Variants in SEMA3C observed in about 807,000 individuals in gnomAD.
The protein encoded by SEMA3C is semaphorin-3C.
In SEMA3C, 47 loss-of-function variants were observed where a neutral mutation model predicts 89.4. The observed-to-expected ratio is 0.53, with a 90% CI of 0.42 to 0.67. The LOEUF (loss-of-function observed/expected upper bound fraction) is 0.67, where lower values mean the gene tolerates loss of function less well. SEMA3C is among the 30% of genes least tolerant of loss of function. The probability of loss-of-function intolerance (pLI) is 0.00; values close to 1 mark genes in which losing one functional copy is unlikely to be tolerated. For missense variants in SEMA3C, 839 were observed against 929.1 expected, an observed-to-expected ratio of 0.90 and a Z score of 1.26; for synonymous variants, 310 against 320.2, an observed-to-expected ratio of 0.97 and a Z score of 0.34.
At chr7:80,846,335 C>T (rs1184223683) in intron 2 of SEMA3C, among the ~76,000 whole-genome samples, 5 of 152,032 alleles carry the variant, frequency 3.3e-5, no homozygotes, top group Non-Finnish European at 7.4e-5. Flanking sequence ...GCCTTTTTTG[C>T]TTTGCTAACT....
chr7:80,808,836 G>A lies in SEMA3C; in HGVS notation c.538+1775C>T, dbSNP rs118147728. ...GTTGCCCAGGCTGGAGTGTAATGTC[G>A]TGATCTCGGCTCACCACAACCTCTG... On this transcript the variant is annotated intron_variant, in intron 6 of 17. Transcript: ENST00000265361. Among the ~76,000 whole-genome samples, 59 of 152,142 alleles carry A rather than the reference G, an allele frequency of 3.9e-4. 1 individual carries two copies. In the East Asian group the frequency reaches 7.1e-3, roughly 18 times the overall value.
chr7:80,916,857 T>G, intron 1 of SEMA3C, 38 bp from the exon 2 acceptor site: 1 of 1,578,354 alleles, frequency 6.3e-7, no homozygotes, highest in Non-Finnish European at 8.6e-7. Context: ...ATATCTCATT[T>G]CACATTTTAG....
intron 13 of SEMA3C, among the ~76,000 whole-genome samples, chr7:80,762,315 C>CATAAGA (rs1354803770): frequency 1.3e-5 from 2 of 152,020 alleles, no homozygotes; most frequent in African/African-American, 2.4e-5. Context: ...TGTTCACCTG[C>CATAAGA]CAGTGCTGTT....
intron 15 of SEMA3C, among the ~76,000 whole-genome samples, chr7:80,756,266 T>A (rs907920484): frequency 6.6e-6 from 1 of 152,156 alleles, no homozygotes; most frequent in African/African-American, 2.4e-5. Context: ...CCTCTATTTC[T>A]CTAACCTCCC....
In SEMA3C at chr7:80,845,241, A is replaced by G. The variant is rs140225474; in HGVS notation, c.104-16496T>C. On this transcript the variant is annotated intron_variant, in intron 2 of 17. Transcript: ENST00000265361. ...CTGACAGGAAATTTGGAAATGGGAG[A>G]CAAAAGGTAAACATTTCTGTAGATA... Among the ~76,000 whole-genome samples the G allele has an allele frequency of 3.4e-4, 52 of 152,282 alleles. No homozygotes were observed. The East Asian group carries it at 9.7e-3, about 28-fold the overall frequency.
At chr7:80,746,271 CA>C (rs1342263003) in intron 17 of SEMA3C, among the ~76,000 whole-genome samples, 2 of 151,296 alleles carry the variant, frequency 1.3e-5, no homozygotes, top group South Asian at 2.1e-4. Context: ...GGTTTGTGCA[CA>C]AAAAAAGCAC....
chr7:80,826,006 A>T (rs1789864639), intron 4 of SEMA3C, among the ~76,000 whole-genome samples: 1 of 152,084 alleles, frequency 6.6e-6, no homozygotes, highest in Non-Finnish European at 1.5e-5. Context: ...ATGCCCCTGC[A>T]AATTTCTCCT....
chr7:80,856,894 G>A (rs1790654969), intron 2 of SEMA3C, among the ~76,000 whole-genome samples: 1 of 152,026 alleles, frequency 6.6e-6, no homozygotes, highest in African/African-American at 2.4e-5. Flanking sequence ...CATCCTAAAT[G>A]GACATTCCAT....
chr7:80,815,130 A>G (rs761418730), intron 5 of SEMA3C, among the ~76,000 whole-genome samples: 10 of 152,210 alleles, frequency 6.6e-5, no homozygotes, highest in Non-Finnish European at 1.2e-4. Flanking sequence ...CATTAAATGA[A>G]TATTTCTGGA....
intron 2 of SEMA3C, among the ~76,000 whole-genome samples, chr7:80,835,107 T>C (rs1242503660): frequency 6.6e-6 from 1 of 152,066 alleles, no homozygotes; most frequent in African/African-American, 2.4e-5. Context: ...CAAAAATAGG[T>C]AAAAGACTCC....
intron 11 of SEMA3C, chr7:80,793,342 A>T (rs539461387): frequency 4.1e-6 from 1 of 244,778 alleles, no homozygotes; most frequent in African/African-American, 2.3e-5. Context: ...TGTTCTCTTA[A>T]TCTTCACGTC....
chr7:80,753,924 TTTTG>T (rs150994998), intron 15 of SEMA3C, among the ~76,000 whole-genome samples: 5,337 of 151,078 alleles, frequency 0.035, 297 homozygotes, highest in East Asian at 0.23. Context: ...TTTACTAGAG[TTTTG>T]TTTGTTTGTT....
At chr7:80,839,310 C>A (rs1486233555) in intron 2 of SEMA3C, among the ~76,000 whole-genome samples, 8 of 152,170 alleles carry the variant, frequency 5.3e-5, no homozygotes, top group Admixed American at 4.6e-4. Flanking sequence ...AACACTTCAT[C>A]TGACACCTGC....
chr7:80,880,784 G>A (rs2116097040), intron 2 of SEMA3C, among the ~76,000 whole-genome samples: 1 of 152,152 alleles, frequency 6.6e-6, no homozygotes, highest in Non-Finnish European at 1.5e-5. Context: ...AATTAGCCGG[G>A]CGTGCTGACA....
chr7:80,857,920 T>C (rs146353226), intron 2 of SEMA3C, among the ~76,000 whole-genome samples: 56 of 152,306 alleles, frequency 3.7e-4, no homozygotes, highest in African/African-American at 1.3e-3. Flanking sequence ...TTTCTAAATA[T>C]AGGCAAATAT....
Position 80,919,021 on chromosome 7 carries a change from C to T in SEMA3C, c.-232G>A, listed in dbSNP as rs1792346199. ...CAGTGCCGCGGCACCCGGAGCTCTT[C>T]TCCGCGTCGCTCAATCAAGCACCTC... is the stretch of plus-strand genomic sequence containing the variant. On this transcript the variant is annotated 5_prime_UTR_variant, in exon 1 of 18. Coordinates refer to ENST00000265361, the MANE Select transcript of SEMA3C (RefSeq NM_006379.5). 1 of 985,374 alleles carries T rather than the reference C, an allele frequency of 1.0e-6. No individual in the cohort carries two copies. The highest frequency in any genetic ancestry group is 5.2e-4 in the Middle Eastern group (1 of 1,912). 61.0% of individuals were successfully genotyped at this position (985,374 alleles called of 1,614,324 possible). A position where few individuals can be genotyped will look rare whatever the true frequency, so the allele number is the denominator to read the frequency against.
chr7:80,773,429 G>C (rs376689287), intron 12 of SEMA3C, among the ~76,000 whole-genome samples: 2 of 152,118 alleles, frequency 1.3e-5, no homozygotes, highest in African/African-American at 4.8e-5. Context: ...ATCTTCTGGA[G>C]GGCAATATGA....
chr7:80,866,878 T>C (rs530960444), intron 2 of SEMA3C, among the ~76,000 whole-genome samples: 26 of 152,290 alleles, frequency 1.7e-4, no homozygotes, highest in African/African-American at 6.3e-4. Flanking sequence ...CTATATAGCT[T>C]AAAAACGGAC....
Position 80,789,372 on chromosome 7 carries a change from T to G in SEMA3C, c.1288A>C (p.Thr430Pro). 1 of 1,614,112 alleles carries G rather than the reference T, an allele frequency of 6.2e-7. No homozygotes were observed. Among genetic ancestry groups the G allele is most frequent in the Non-Finnish European group, 8.5e-7 (1 of 1,179,990 alleles). ...IVRIGTDYKY[T>P]KIAVDRVNAA... is the part of the protein sequence containing the mutation. ...TTCACTCGATCCACAGCTATCTTTG[T>G]ATACTTGTAGTCAGTGCCAATACGA... is the stretch of plus-strand genomic sequence containing the variant. The change falls in exon 12 of 18, where the codon ACA becomes CCA. Residue 430 changes from threonine to proline, a missense_variant. Transcript: ENST00000265361.
Sources: allele counts gnomAD v4.1 joint callset (sites outside exome capture counted in the v4.1 genomes callset), GRCh38; gene constraint gnomAD v4.1.1; transcripts MANE v1.5; gene names NCBI Gene and HGNC (gene_info 2026-07-23, HGNC 2026-07-21).